CFAP410: variants seen among roughly 807,000 people sequenced by gnomAD.
CFAP410 encodes cilia and flagella associated protein 410.
Under a neutral mutation model 25.7 loss-of-function variants are expected in CFAP410, and 27 were observed. The observed-to-expected ratio is 1.05, with a 90% CI of 0.77 to 1.45. The LOEUF is 1.45. Among genes scored for constraint, CFAP410 ranks in the 40% most tolerant of loss-of-function variants. The pLI, the probability that CFAP410 is intolerant of heterozygous loss-of-function variation, is 0.00. For missense variants in CFAP410, 428 were observed against 354.1 expected (o/e 1.21, Z -1.67); for synonymous variants, 178 against 158.4 (o/e 1.12, Z -0.93).
chr21:44,335,679 C>T, intron 3 of CFAP410, 79 bp downstream of exon 3: 3 of 1,106,480 alleles, frequency 2.7e-6, no homozygotes, highest in Non-Finnish European at 4.0e-6. Context: ...TGTCACAGTG[C>T]TGGGTCCCAC....
rs982267515 is a variant in CFAP410 at position 44,335,756 on chromosome 21, A to G, written c.143+2T>C. On this transcript the variant is annotated splice_donor_variant, in intron 3 of 6. Coordinates refer to ENST00000339818, the MANE Select transcript of CFAP410 (RefSeq NM_004928.3). LOFTEE classifies it high-confidence loss of function. ...CTGAGCATGACAGCAGGAGCGAGGTACCTGAGCGTGATCACCTCCAGGCTG... is the reference window on the plus strand; with the variant it reads ...CTGAGCATGACAGCAGGAGCGAGGTGCCTGAGCGTGATCACCTCCAGGCTG... 1 of 1,587,206 alleles carries G rather than the reference A, an allele frequency of 6.3e-7. No individual in the cohort carries two copies. The highest frequency in any genetic ancestry group is 1.3e-5 in the African/African-American group (1 of 74,234).
rs753752452 is a variant in CFAP410 at position 44,333,247 on chromosome 21, G to A, written c.159C>T (p.Ser53=). The change falls in exon 4 of 7, where the codon TCC becomes TCT. Residue 53 remains serine (S), a synonymous_variant. Transcript: ENST00000339818. The stretch of plus-strand genomic sequence containing the variant: ...GGCACCGGCTCACAGGCTCCAGGGT[G>A]GAGATGCTGTTGACACTGCACGGAG... ...EVITLSVNSI[S]TLEPVSRCQR... 4 of 1,611,706 alleles carry A rather than the reference G, an allele frequency of 2.5e-6. No individual in the cohort carries two copies. The highest frequency in any genetic ancestry group is 1.7e-6 in the Non-Finnish European group (2 of 1,179,458).
chr21:44,332,078 CA>C (rs1448816154), intron 4 of CFAP410, 64 bp from the exon 5 acceptor site: 1 of 1,364,360 alleles, frequency 7.3e-7, no homozygotes, highest in African/African-American at 1.5e-5. Flanking sequence ...ACATGCACTG[CA>C]GCTCCCGTCC....
At chr21:44,335,371 G>A (rs2047732520) in intron 3 of CFAP410, 3 of 268,314 alleles carry the variant, frequency 1.1e-5, no homozygotes, top group South Asian at 5.1e-5. Context: ...GACTCTGGGG[G>A]TCCCAGGGCA....
At chr21:44,332,567 G>A (rs1035569432) in intron 4 of CFAP410, 7 of 170,892 alleles carry the variant, frequency 4.1e-5, no homozygotes, top group Admixed American at 2.9e-4. Context: ...CAGGCACTGC[G>A]GTGCTGGGAC....
At chr21:44,338,577 ATTCGAC>A in intron 1 of CFAP410, 1 of 217,014 alleles carries the variant, frequency 4.6e-6, no homozygotes, top group Non-Finnish European at 9.8e-6. Flanking sequence ...TCTCTCTCCT[ATTCGAC>A]TTGGTCCCAG....
chr21:44,335,494 G>A, intron 3 of CFAP410: 1 of 562,198 alleles, frequency 1.8e-6, no homozygotes. Flanking sequence ...CACAGGCCAA[G>A]GGTGGGCAGG....
chr21:44,334,782 TGCCC>T (rs2047722642), intron 3 of CFAP410: 1 of 180,098 alleles, frequency 5.6e-6, no homozygotes, highest in Admixed American at 5.6e-5. Flanking sequence ...GACAGGCTGG[TGCCC>T]GCGCTGGGGA....
Position 44,334,089 on chromosome 21 carries a change from T to A in CFAP410, c.144-827A>T, listed in dbSNP as rs1343824771. ...GAGCAAAACTCCGGCTGTGGGACTC[T>A]TTCCAGGATGGGGTCTGCCTCAGGC... On this transcript the variant is annotated intron_variant, in intron 3 of 6. Transcript: ENST00000339818. The A allele has an allele frequency of 8.8e-6, 4 of 456,098 alleles. No individual in the cohort carries two copies. The East Asian group carries it at 2.8e-4, about 32-fold the overall frequency. 28.3% of individuals were successfully genotyped at this position (456,098 alleles called of 1,614,324 possible).
intron 6 of CFAP410, 58 bp from the exon 7 acceptor site, chr21:44,330,384 A>G: frequency 1.3e-6 from 2 of 1,581,654 alleles, no homozygotes; most frequent in South Asian, 1.1e-5. Flanking sequence ...GCTTCCCTCC[A>G]CAAGGGCTGG....
intron 3 of CFAP410, chr21:44,334,951 C>G (rs1045620191): frequency 1.9e-5 from 3 of 154,520 alleles, no homozygotes; most frequent in Admixed American, 1.3e-4. Context: ...AGGTAGGTCA[C>G]AGTCAGGGAC....
intron 4 of CFAP410, 97 bp from the exon 5 acceptor site, chr21:44,332,111 T>A (rs2047661769): frequency 9.4e-7 from 1 of 1,058,870 alleles, no homozygotes; most frequent in Non-Finnish European, 1.3e-6. Context: ...TCAGGCACAG[T>A]CTGCTTGTGA....
intron 6 of CFAP410, chr21:44,330,594 G>A: frequency 6.5e-7 from 1 of 1,549,816 alleles, no homozygotes. Flanking sequence ...GACAGCAGGA[G>A]AGGCTGAGGG....
chr21:44,333,546 A>G, intron 3 of CFAP410: 1 of 532,842 alleles, frequency 1.9e-6, no homozygotes, highest in Non-Finnish European at 3.3e-6. Context: ...AGAGTGCGGG[A>G]GGTGGGGGAT....
chr21:44,338,501 C>G (rs1247970256), intron 1 of CFAP410: 4 of 361,968 alleles, frequency 1.1e-5, no homozygotes, highest in Admixed American at 6.5e-5. Context: ...TAGGAGTACC[C>G]TGGGAACGGC....
At position 44,339,250 on chromosome 21, in the gene CFAP410, T is replaced by A; in HGVS notation, c.-56A>T. On this transcript the variant is annotated 5_prime_UTR_variant, in exon 1 of 7. Transcript: ENST00000339818. ...CCCCGGCCTCCTGATCCCGGGCGGGTGACGACTGCGCGGCGCGTGTCTCCA... is the reference window on the plus strand; with the variant it reads ...CCCCGGCCTCCTGATCCCGGGCGGGAGACGACTGCGCGGCGCGTGTCTCCA... 8.6e-7 allele frequency: 1 copy of A among 1,161,634 alleles called. No individual in the cohort carries two copies. Among genetic ancestry groups the A allele is most frequent in the Non-Finnish European group, 1.2e-6 (1 of 869,382 alleles). 72.0% of individuals were successfully genotyped at this position (1,161,634 alleles called of 1,614,324 possible). A position where few individuals can be genotyped will look rare whatever the true frequency, so the allele number is the denominator to read the frequency against.
intron 5 of CFAP410, chr21:44,331,476 A>C: frequency 3.3e-6 from 1 of 299,480 alleles, no homozygotes; most frequent in Non-Finnish European, 6.3e-6. Context: ...ACGGGCACTG[A>C]TGGCCGTGCC....
intron 4 of CFAP410, 105 bp downstream of exon 4, chr21:44,332,928 G>A (rs1324062323): frequency 1.9e-5 from 15 of 784,792 alleles, no homozygotes; most frequent in Non-Finnish European, 2.7e-5. Flanking sequence ...TCTATGTCCC[G>A]CCAGACCAGG....
rs926971488 is a variant in CFAP410, at chr21:44,339,348, G to C, written c.-154C>G. The C allele has an allele frequency of 2.3e-6, 1 of 443,678 alleles. No individual in the cohort carries two copies. Among genetic ancestry groups the C allele is most frequent in the African/African-American group, 2.1e-5 (1 of 48,612 alleles). 27.5% of individuals were successfully genotyped at this position (443,678 alleles called of 1,614,324 possible). On this transcript the variant is annotated 5_prime_UTR_variant, in exon 1 of 7. Transcript: ENST00000339818. The stretch of plus-strand genomic sequence containing the variant: ...CTCGGTGAGGAGAGCGGGGCGACGC[G>C]AGCCCGCTGGGGCCGCTTGGGCGCC...
Sources: allele counts gnomAD v4.1 joint callset, GRCh38; gene constraint gnomAD v4.1.1; transcripts MANE v1.5; gene names NCBI Gene and HGNC (gene_info 2026-07-23, HGNC 2026-07-21).